Variants in KIF21B observed in about 807,000 individuals in gnomAD.
KIF21B encodes the protein kinesin-like protein KIF21B.
Under a neutral mutation model 192.9 loss-of-function variants are expected in KIF21B, and 85 were observed. That is an observed-to-expected ratio of 0.44 (90% CI 0.37 to 0.53). KIF21B has a LOEUF of 0.53. Among genes scored for constraint, KIF21B ranks in the 20% least tolerant of loss-of-function variants. The probability of loss-of-function intolerance (pLI) is 0.00; values close to 1 mark genes in which losing one functional copy is unlikely to be tolerated. For synonymous variants in KIF21B, 832 were observed against 884.6 expected (o/e 0.94, Z 1.05); for missense variants, 1,716 against 2,194.8 (o/e 0.78, Z 4.36).
chr1:201,001,681 A>C, intron 9 of KIF21B: 1 of 157,048 alleles, frequency 6.4e-6, no homozygotes, highest in South Asian at 1.9e-4. Flanking sequence ...AGTAGGTTTA[A>C]TATGGAAAGA....
chr1:200,983,155 C>T, intron 27 of KIF21B, 61 bp from the exon 28 acceptor site: 1 of 1,415,960 alleles, frequency 7.1e-7, no homozygotes, highest in East Asian at 2.5e-5. Flanking sequence ...CAGAGGGACG[C>T]AGAGGCGGCA....
At chr1:200,994,294 C>G (rs919335734) in intron 15 of KIF21B, among the ~76,000 whole-genome samples, 1 of 152,250 alleles carries the variant, frequency 6.6e-6, no homozygotes, top group Non-Finnish European at 1.5e-5. Flanking sequence ...CCCGTGGCTG[C>G]AGGCCCCACC....
chr1:200,999,317 T>A lies in KIF21B; in HGVS notation c.1885+32A>T, dbSNP rs756607794. 1 of 1,613,658 alleles carries A rather than the reference T, an allele frequency of 6.2e-7. No homozygotes were observed. Among genetic ancestry groups the A allele is most frequent in the South Asian group, 1.1e-5 (1 of 91,070 alleles). ...TGGGCACTGGCAGCCAGGCATTGCA[T>A]CCCCCACAGCCCACAGCTCAGGCCC... On this transcript the variant is annotated intron_variant, in intron 13 of 34. Transcript: ENST00000461742. This position sits in a 1 kb window ranked among gnomAD's most constrained non-coding sequence, Gnocchi z 4.7.
At chr1:200,980,704 T>C (rs140151262) in intron 29 of KIF21B, among the ~76,000 whole-genome samples, 14 of 152,332 alleles carry the variant, frequency 9.2e-5, no homozygotes, top group African/African-American at 3.4e-4. Flanking sequence ...AGAAGCTTCC[T>C]GAAGTTTCCC....
At chr1:201,021,257 G>A (rs1323732615) in intron 1 of KIF21B, among the ~76,000 whole-genome samples, 2 of 152,222 alleles carry the variant, frequency 1.3e-5, no homozygotes, top group Non-Finnish European at 2.9e-5. Context: ...ACTGGGTTCT[G>A]TCCAGGCATT....
At chr1:200,989,066 G>T (rs1656502112) in intron 21 of KIF21B, 135 bp from the exon 22 acceptor site, 3 of 898,078 alleles carry the variant, frequency 3.3e-6, no homozygotes, top group Admixed American at 2.9e-5. Flanking sequence ...ACCTGGCACA[G>T]ACCTGAGAGC....
chr1:200,973,217 C>T lies in KIF21B; in HGVS notation c.*304G>A, dbSNP rs941068538. On this transcript the variant is annotated 3_prime_UTR_variant, in exon 35 of 35. Transcript: ENST00000461742. ...CAAAGGCCTGAGAAAGGGGCAGAGC[C>T]GGTTCAGCAGGAGACAATGTGGCCA... 8.1e-5 allele frequency: 27 copies of T among 331,364 alleles called. No individual in the cohort carries two copies. The highest frequency in any genetic ancestry group is 9.7e-5 in the Non-Finnish European group (18 of 185,038). 20.5% of individuals were successfully genotyped at this position (331,364 alleles called of 1,614,324 possible). A position where few individuals can be genotyped will look rare whatever the true frequency, so the allele number is the denominator to read the frequency against.
Position 201,023,226 on chromosome 1 carries a change from C to T in KIF21B, c.41+117G>A. The stretch of plus-strand genomic sequence containing the variant: ...CCCTCCATCCCGTCCCACGCCGGCC[C>T]CTCCTCCGGGAGTGCAGGCTCCAGC... On this transcript the variant is annotated intron_variant, in intron 1 of 34. Transcript: ENST00000461742. The surrounding 1 kb of genome is among the most constrained non-coding windows in gnomAD (Gnocchi z 5.9). The T allele has an allele frequency of 1.2e-6, 1 of 854,052 alleles. No homozygotes were observed. The highest frequency in any genetic ancestry group is 1.6e-6 in the Non-Finnish European group (1 of 607,082). 52.9% of individuals were successfully genotyped at this position (854,052 alleles called of 1,614,324 possible). A position where few individuals can be genotyped will look rare whatever the true frequency, so the allele number is the denominator to read the frequency against.
Position 201,001,095 on chromosome 1 carries a change from G to T in KIF21B, c.1403-315C>A, listed in dbSNP as rs538838180. 2.3e-3 allele frequency among the ~76,000 whole-genome samples: 324 copies of T among 138,722 alleles called. 4 individuals carry two copies. The highest frequency in any genetic ancestry group is 8.8e-3 in the African/African-American group (313 of 35,392). 91.0% of individuals were successfully genotyped at this position (138,722 alleles called of 152,430 possible). On this transcript the variant is annotated intron_variant, in intron 9 of 34. Transcript: ENST00000461742. The stretch of plus-strand genomic sequence containing the variant: ...GCACTCCAGCCTGGGCAACAAGAGC[G>T]AAACTCCGTCTCAGAAAAAAAAAAA...
At chr1:200,980,706 A>C (rs1655854867) in intron 29 of KIF21B, among the ~76,000 whole-genome samples, 1 of 152,188 alleles carries the variant, frequency 6.6e-6, no homozygotes, top group Admixed American at 6.5e-5. Context: ...AAGCTTCCTG[A>C]AGTTTCCCTG....
At chr1:201,012,473 T>C (rs1006090258) in intron 1 of KIF21B, among the ~76,000 whole-genome samples, 10 of 152,230 alleles carry the variant, frequency 6.6e-5, no homozygotes, top group African/African-American at 2.4e-4. Context: ...AGTGATGCTA[T>C]GACCTAGGGA....
intron 31 of KIF21B, 107 bp from the exon 32 acceptor site, chr1:200,977,000 T>C: frequency 1.0e-6 from 1 of 979,220 alleles, no homozygotes. Flanking sequence ...GTACTCACCC[T>C]CCCCTCTCGC....
At position 200,982,946 on chromosome 1, in the gene KIF21B, G is replaced by A. The variant is rs965864144; in HGVS notation, c.3842+110C>T. On this transcript the variant is annotated intron_variant, in intron 28 of 34. Transcript: ENST00000461742. The surrounding 1 kb of genome is among the most constrained non-coding windows in gnomAD (Gnocchi z 4.7). ...CAGCAGGAAGGGGAGTGGAGGGGCC[G>A]CATGCTGAGGACACGGGTGTCAGGC... 1.5e-5 allele frequency: 14 copies of A among 946,254 alleles called. No individual in the cohort carries two copies. In the East Asian group the frequency reaches 1.6e-4, roughly 11 times the overall value. 58.6% of individuals were successfully genotyped at this position (946,254 alleles called of 1,614,324 possible).
At chr1:201,012,762 G>A (rs954347880) in intron 1 of KIF21B, among the ~76,000 whole-genome samples, 1 of 152,116 alleles carries the variant, frequency 6.6e-6, no homozygotes, top group African/African-American at 2.4e-5. Context: ...TCCCACCTCA[G>A]CCTCCCAAGT....
chr1:201,023,273 C>G lies in KIF21B; in HGVS notation c.41+70G>C. ...CAGCCCAAGCGGTGCTCGCGCCCCCCGCCCAAAGCCCACGCGAGACAAAGC... is the reference window on the plus strand; with the variant it reads ...CAGCCCAAGCGGTGCTCGCGCCCCCGGCCCAAAGCCCACGCGAGACAAAGC... On this transcript the variant is annotated intron_variant, in intron 1 of 34. Transcript: ENST00000461742. The surrounding 1 kb of genome is among the most constrained non-coding windows in gnomAD (Gnocchi z 5.9). The G allele has an allele frequency of 7.3e-7, 1 of 1,375,706 alleles. No homozygotes were observed. The highest frequency in any genetic ancestry group is 9.8e-7 in the Non-Finnish European group (1 of 1,024,744). 85.2% of individuals were successfully genotyped at this position (1,375,706 alleles called of 1,614,324 possible).
rs1338472230 is a variant in KIF21B at position 201,003,746 on chromosome 1, T to A, written c.1052A>T (p.Asp351Val). ...TIMIACVSPS[D>V]RDFMETLNTL... ...GTTGAGGGTCTCCATGAAATCTCGG[T>A]CTGAGGGGCTCACACAGGCGATCAT... The change falls in exon 8 of 35, where the codon GAC becomes GTC. Residue 351 changes from aspartate to valine, a missense_variant. Physicochemically the swap from Asp to Val is radical, Grantham distance 152 (BLOSUM62 -3). Coordinates refer to ENST00000461742, the MANE Select transcript of KIF21B (RefSeq NM_001252102.2). 1 of 1,614,134 alleles carries A rather than the reference T, an allele frequency of 6.2e-7. No individual in the cohort carries two copies. Among genetic ancestry groups the A allele is most frequent in the East Asian group, 2.2e-5 (1 of 44,868 alleles).
rs1306558778 is a variant in KIF21B, at chr1:200,970,590, A to T, written c.*2931T>A. The stretch of plus-strand genomic sequence containing the variant: ...AATACTGAACTGACTGATAGTGAGG[A>T]CAGGGCCCTGGCACAGGACTATGCT... On this transcript the variant is annotated 3_prime_UTR_variant, in exon 35 of 35. Coordinates refer to ENST00000461742, the MANE Select transcript of KIF21B (RefSeq NM_001252102.2). The T allele has an allele frequency of 6.6e-6, 1 of 152,438 alleles. No homozygotes were observed. The highest frequency in any genetic ancestry group is 1.9e-4 in the East Asian group (1 of 5,334). The allele number at this position is 152,438 out of a possible 1,614,324, so 9.4% of individuals were successfully genotyped here. A position where few individuals can be genotyped will look rare whatever the true frequency, so the allele number is the denominator to read the frequency against.
chr1:200,974,372 C>T lies in KIF21B; in HGVS notation c.4814+342G>A, dbSNP rs116451207. Among the ~76,000 whole-genome samples, 498 of 152,038 alleles carry T rather than the reference C, an allele frequency of 3.3e-3. 3 individuals carry two copies. The highest frequency in any genetic ancestry group is 6.1e-3 in the Non-Finnish European group (417 of 67,936). Reference sequence around the variant, plus strand: ...GAGCGGGTGGGTGGGGTGTAAGAGGCGTGGTCTGGGGCTGGCAGGGCTGCT... The same window carrying T: ...GAGCGGGTGGGTGGGGTGTAAGAGGTGTGGTCTGGGGCTGGCAGGGCTGCT... On this transcript the variant is annotated intron_variant, in intron 34 of 34. Coordinates refer to ENST00000461742, the MANE Select transcript of KIF21B (RefSeq NM_001252102.2).
Position 200,973,371 on chromosome 1 carries a change from G to C in KIF21B, c.*150C>G. ...GGGATGAGGGAACAGTGTCCTGTGG[G>C]AAGGCCAAGGGAGAGGGAGGAGGGC... is the stretch of plus-strand genomic sequence containing the variant. On this transcript the variant is annotated 3_prime_UTR_variant, in exon 35 of 35. Transcript: ENST00000461742. 1 of 955,786 alleles carries C rather than the reference G, an allele frequency of 1.0e-6. No individual in the cohort carries two copies. Among genetic ancestry groups the C allele is most frequent in the Non-Finnish European group, 1.4e-6 (1 of 702,910 alleles). The allele number at this position is 955,786 out of a possible 1,614,324, so 59.2% of individuals were successfully genotyped here. A position where few individuals can be genotyped will look rare whatever the true frequency, so the allele number is the denominator to read the frequency against.
Sources: gnomAD v4.1 joint callset for allele counts (sites outside exome capture counted in the v4.1 genomes callset) on GRCh38, gnomAD v4.1.1 for gene constraint, Gnocchi (gnomAD v3.1) non-coding constraint, MANE v1.5 for transcripts, NCBI Gene and HGNC (gene_info 2026-07-23, HGNC 2026-07-21) for gene names.